The following LEF1 variants were observed in gnomAD, a reference collection of about 807,000 sequenced individuals.
The protein encoded by LEF1 is lymphoid enhancer-binding factor 1.
A neutral mutation model predicts 51.2 loss-of-function variants in LEF1; 14 were observed. The observed-to-expected ratio is 0.27, with a 90% CI of 0.18 to 0.43. LEF1 has a LOEUF of 0.43. LEF1 is among the 20% of genes least tolerant of loss of function. LEF1 has a pLI of 1.00. For synonymous variants in LEF1, 185 were observed against 183.2 expected, an observed-to-expected ratio of 1.01 and a Z score of -0.08; for missense variants, 386 against 512.0, an observed-to-expected ratio of 0.75 and a Z score of 2.37.
intron 3 of LEF1, among the ~76,000 whole-genome samples, chr4:108,113,929 C>T (rs1458805079): frequency 2.6e-5 from 4 of 152,052 alleles, no homozygotes; most frequent in Admixed American, 1.3e-4. Context: ...ACCCTAAACT[C>T]ATTTAAAAAA....
intron 4 of LEF1, among the ~76,000 whole-genome samples, chr4:108,088,528 T>A (rs1269935773): frequency 6.6e-6 from 1 of 152,212 alleles, no homozygotes; most frequent in Non-Finnish European, 1.5e-5. Context: ...CAGGATGTTT[T>A]AATTTTTCAG....
rs749911957 is a variant in LEF1 at position 108,132,659 on chromosome 4, C to CTTTTTTTTTTTTTTTTTTTTTTTTTTTTT, written c.414+30908_414+30909insAAAAAAAAAAAAAAAAAAAAAAAAAAAAA. Among the ~76,000 whole-genome samples, 4 of 47,444 alleles carry CTTTTTTTTTTTTTTTTTTTTTTTTTTTTT rather than the reference C, an allele frequency of 8.4e-5. 2 individuals carry two copies. Among genetic ancestry groups the CTTTTTTTTTTTTTTTTTTTTTTTTTTTTT allele is most frequent in the Non-Finnish European group, 1.4e-4 (4 of 27,900 alleles). 31.1% of individuals were successfully genotyped at this position (47,444 alleles called of 152,430 possible). A position where few individuals can be genotyped will look rare whatever the true frequency, so the allele number is the denominator to read the frequency against. ...ATATGGGATGAGAGCGAAAATCTGC[C>CTTTTTTTTTTTTTTTTTTTTTTTTTTTTT]TTTTTTTTTTTTTTTTTTTTTTTTT... On this transcript the variant is annotated intron_variant, in intron 3 of 11. Coordinates refer to ENST00000265165, the MANE Select transcript of LEF1 (RefSeq NM_016269.5).
At chr4:108,081,009 C>T (rs1051378753) in intron 6 of LEF1, among the ~76,000 whole-genome samples, 57 of 151,918 alleles carry the variant, frequency 3.8e-4, no homozygotes, top group African/African-American at 1.3e-3. Context: ...TCCCGAGCTC[C>T]GCTGGCATGA....
chr4:108,061,774 C>T (rs1408594866), intron 11 of LEF1, among the ~76,000 whole-genome samples: 1 of 152,192 alleles, frequency 6.6e-6, no homozygotes, highest in East Asian at 1.9e-4. Flanking sequence ...AGCCAGGTGG[C>T]TGGCTCAGAA....
At chr4:108,112,229 C>T (rs1212760309) in intron 3 of LEF1, among the ~76,000 whole-genome samples, 1 of 152,146 alleles carries the variant, frequency 6.6e-6, no homozygotes, top group Non-Finnish European at 1.5e-5. Context: ...TGATGGTTTT[C>T]GTGTGGTCAG....
At chr4:108,164,213 A>G (rs1023991345) in intron 2 of LEF1, among the ~76,000 whole-genome samples, 3 of 152,108 alleles carry the variant, frequency 2.0e-5, no homozygotes, top group African/African-American at 7.2e-5. Context: ...ATAGGCAACT[A>G]TCTAAATTTA....
In LEF1 at chr4:108,167,753, G is replaced by C. The variant is rs934777102; in HGVS notation, c.15C>G (p.Ser5=). The change falls in exon 1 of 12, where the codon TCC becomes TCG. Residue 5 remains serine (S), a synonymous_variant. Transcript: ENST00000265165. The surrounding 1 kb of genome is among the most constrained non-coding windows in gnomAD (Gnocchi z 5.7). ...CCCCCCCGCCGCCGCCACCTCCTCC[G>C]GAGAGTTGGGGCATCCCGGCGGCTC... MPQL[S]GGGGGGGGDP... 3 of 1,612,744 alleles carry C rather than the reference G, an allele frequency of 1.9e-6. No homozygotes were observed. The highest frequency in any genetic ancestry group is 2.5e-6 in the Non-Finnish European group (3 of 1,179,958).
chr4:108,136,605 A>G (rs752476692), intron 3 of LEF1, among the ~76,000 whole-genome samples: 8 of 151,926 alleles, frequency 5.3e-5, no homozygotes, highest in Non-Finnish European at 1.2e-4. Flanking sequence ...CAGGGGTCTT[A>G]TAACTGCAGA....
intron 3 of LEF1, among the ~76,000 whole-genome samples, chr4:108,161,610 G>A (rs1745055955): frequency 6.6e-6 from 1 of 152,186 alleles, no homozygotes; most frequent in African/African-American, 2.4e-5. Context: ...TGGGAGAAAA[G>A]ACTGTGGAAA....
At chr4:108,065,605 C>G (rs1184095179) in intron 9 of LEF1, among the ~76,000 whole-genome samples, 2 of 152,174 alleles carry the variant, frequency 1.3e-5, no homozygotes, top group Non-Finnish European at 2.9e-5. Context: ...AGTCACCCTT[C>G]TGAAGCTGTA....
chr4:108,082,927 T>C (rs1739405602), intron 5 of LEF1, among the ~76,000 whole-genome samples: 1 of 152,226 alleles, frequency 6.6e-6, no homozygotes, highest in Admixed American at 6.5e-5. Flanking sequence ...AATTTCTCTC[T>C]AGTTATTTTT....
intron 3 of LEF1, among the ~76,000 whole-genome samples, chr4:108,115,305 A>G (rs1741765879): frequency 6.6e-6 from 1 of 152,208 alleles, no homozygotes; most frequent in South Asian, 2.1e-4. Flanking sequence ...TGATCAAGAG[A>G]AGTTACTCAG....
chr4:108,107,312 G>A (rs2110306144), intron 3 of LEF1, among the ~76,000 whole-genome samples: 1 of 151,048 alleles, frequency 6.6e-6, no homozygotes. Context: ...AGATCTAGCA[G>A]CCTGACTTCT....
At chr4:108,126,804 C>CAAA (rs11329450) in intron 3 of LEF1, among the ~76,000 whole-genome samples, 25 of 97,146 alleles carry the variant, frequency 2.6e-4, no homozygotes, top group Non-Finnish European at 3.6e-4. Context: ...GACTTTCTCT[C>CAAA]AAAAAAAAAA....
At chr4:108,058,429 C>CTTAA in intron 11 of LEF1, among the ~76,000 whole-genome samples, 1 of 152,220 alleles carries the variant, frequency 6.6e-6, no homozygotes, top group South Asian at 2.1e-4. Context: ...TCATATAAAT[C>CTTAA]TTAAGTCAGG....
Position 108,094,392 on chromosome 4 carries a change from T to C in LEF1, c.415-5135A>G, listed in dbSNP as rs762593512. ...TTGGCATCACAGCCAATAAAACCCA[T>C]ACCTCCTGTGGACACGAAGTGGGTG... On this transcript the variant is annotated intron_variant, in intron 3 of 11. Coordinates refer to ENST00000265165, the MANE Select transcript of LEF1 (RefSeq NM_016269.5). 5.3e-5 allele frequency among the ~76,000 whole-genome samples: 8 copies of C among 152,122 alleles called. 1 individual carries two copies. The highest frequency in any genetic ancestry group is 1.4e-4 in the African/African-American group (6 of 41,444).
chr4:108,145,463 T>C (rs958892263), intron 3 of LEF1, among the ~76,000 whole-genome samples: 3 of 152,210 alleles, frequency 2.0e-5, no homozygotes, highest in African/African-American at 7.2e-5. Context: ...TAAATAATTA[T>C]ACAGTGGCCA....
chr4:108,057,690 C>T (rs964915568), intron 11 of LEF1, among the ~76,000 whole-genome samples: 3 of 152,088 alleles, frequency 2.0e-5, no homozygotes, highest in East Asian at 1.9e-4. Context: ...ATCAGGCTCT[C>T]GAACATCATC....
At chr4:108,135,113 G>A (rs1743170478) in intron 3 of LEF1, among the ~76,000 whole-genome samples, 1 of 152,180 alleles carries the variant, frequency 6.6e-6, no homozygotes, top group Non-Finnish European at 1.5e-5. Flanking sequence ...AAACTTGTTA[G>A]AGGAAGACAG....
Sources: gnomAD v4.1 joint callset for allele counts (sites outside exome capture counted in the v4.1 genomes callset) on GRCh38, gnomAD v4.1.1 for gene constraint, Gnocchi (gnomAD v3.1) non-coding constraint, MANE v1.5 for transcripts, NCBI Gene and HGNC (gene_info 2026-07-23, HGNC 2026-07-21) for gene names.